The following MGAT5 variants were observed in gnomAD, a reference collection of about 807,000 sequenced individuals.
MGAT5 encodes alpha-1,6-mannosylglycoprotein 6-beta-N-acetylglucosaminyltransferase, also known as alpha-1,6-mannosylglycoprotein 6-beta-N-acetylglucosaminyltransferase A.
Under a neutral mutation model 94.3 loss-of-function variants are expected in MGAT5, and 30 were observed. That is an observed-to-expected ratio of 0.32 (90% CI 0.24 to 0.43). The LOEUF is 0.43. Among genes scored for constraint, MGAT5 ranks in the 20% least tolerant of loss-of-function variants. The pLI is 1.00. For synonymous variants in MGAT5, 310 were observed against 322.9 expected (o/e 0.96, Z 0.43); for missense variants, 691 against 905.5 (o/e 0.76, Z 3.04).
chr2:134,316,905 T>C (rs2105896193), intron 2 of MGAT5, among the ~76,000 whole-genome samples: 1 of 152,328 alleles, frequency 6.6e-6, no homozygotes, highest in Admixed American at 6.5e-5. Context: ...AGCTAGCTAA[T>C]ATAAAAGGAG....
intron 1 of MGAT5, among the ~76,000 whole-genome samples, chr2:134,165,455 A>G (rs1687926250): frequency 6.6e-6 from 1 of 152,162 alleles, no homozygotes; most frequent in Admixed American, 6.6e-5. Flanking sequence ...GGAAGATGGC[A>G]TGCTCATAGC....
chr2:134,369,260 C>T (rs572452235), intron 10 of MGAT5, among the ~76,000 whole-genome samples: 4 of 152,288 alleles, frequency 2.6e-5, no homozygotes, highest in East Asian at 3.9e-4. Flanking sequence ...TTGCTGACCC[C>T]AGGGAGACCA....
intron 1 of MGAT5, among the ~76,000 whole-genome samples, chr2:134,165,789 C>G (rs368929173): frequency 6.6e-6 from 1 of 151,640 alleles, no homozygotes; most frequent in Non-Finnish European, 1.5e-5. Context: ...AAAAAAAATT[C>G]TAGGGAGCCA....
chr2:134,140,735 A>G (rs1686618590), intron 1 of MGAT5, among the ~76,000 whole-genome samples: 1 of 152,228 alleles, frequency 6.6e-6, no homozygotes, highest in African/African-American at 2.4e-5. Flanking sequence ...TGATTTATCT[A>G]TTCATGAAAT....
intron 2 of MGAT5, among the ~76,000 whole-genome samples, chr2:134,273,492 T>A (rs1267509314): frequency 6.6e-6 from 1 of 152,200 alleles, no homozygotes; most frequent in Non-Finnish European, 1.5e-5. Context: ...CACTGATGTT[T>A]CTGATTGCTT....
chr2:134,175,053 G>A (rs1021339180), intron 1 of MGAT5, among the ~76,000 whole-genome samples: 1 of 152,214 alleles, frequency 6.6e-6, no homozygotes, highest in Non-Finnish European at 1.5e-5. Context: ...GCAGGGTGGG[G>A]CTGTGGGCCA....
chr2:134,339,818 GAA>G (rs1222681824), intron 6 of MGAT5, among the ~76,000 whole-genome samples: 1 of 152,136 alleles, frequency 6.6e-6, no homozygotes, highest in Non-Finnish European at 1.5e-5. Flanking sequence ...GAAGCGCACA[GAA>G]AAAGACTGTT....
rs34029606 is a variant in MGAT5, at chr2:134,247,359, TAA to T, written c.-142-6889_-142-6888del. Among the ~76,000 whole-genome samples, 702 of 91,492 alleles carry T rather than the reference TAA, an allele frequency of 7.7e-3. 10 individuals are homozygous for T. Among genetic ancestry groups the T allele is most frequent in the African/African-American group, 0.022 (575 of 26,258 alleles). 60.0% of individuals were successfully genotyped at this position (91,492 alleles called of 152,430 possible). A position where few individuals can be genotyped will look rare whatever the true frequency, so the allele number is the denominator to read the frequency against. On this transcript the variant is annotated intron_variant, in intron 1 of 16. Coordinates refer to the MGAT5 transcript ENST00000409645. The stretch of plus-strand genomic sequence containing the variant: ...TGTGAATAGATACCTGGGCCTGAAT[TAA>T]AAAAAAAAAAAAACAAAAAAAAAAC...
intron 2 of MGAT5, among the ~76,000 whole-genome samples, chr2:134,283,744 G>T (rs1422560092): frequency 1.5e-5 from 2 of 136,646 alleles, no homozygotes; most frequent in Non-Finnish European, 3.0e-5. Context: ...CCGTGAAGTT[G>T]TCATTGGTCT....
intron 1 of MGAT5, among the ~76,000 whole-genome samples, chr2:134,180,000 A>G (rs1366851213): frequency 6.6e-6 from 1 of 152,196 alleles, no homozygotes; most frequent in Non-Finnish European, 1.5e-5. Context: ...ATTGCATGCT[A>G]AAAGACTCCC....
intron 10 of MGAT5, among the ~76,000 whole-genome samples, chr2:134,385,680 G>T (rs1323883503): frequency 6.6e-6 from 1 of 152,246 alleles, no homozygotes; most frequent in Admixed American, 6.5e-5. Flanking sequence ...AGGTACACAC[G>T]TAAGGTTGGA....
intron 10 of MGAT5, among the ~76,000 whole-genome samples, chr2:134,362,801 G>A (rs1238768060): frequency 6.6e-6 from 1 of 152,230 alleles, no homozygotes; most frequent in Non-Finnish European, 1.5e-5. Context: ...AGTCTGTGGA[G>A]GTAGGCAGTT....
chr2:134,448,343 G>C (rs557598884), intron 15 of MGAT5, among the ~76,000 whole-genome samples: 1 of 152,124 alleles, frequency 6.6e-6, no homozygotes, highest in Non-Finnish European at 1.5e-5. Flanking sequence ...TGATTTATTT[G>C]GCCATTCCCT....
chr2:134,260,625 C>T (rs1183744609), intron 1 of MGAT5, among the ~76,000 whole-genome samples: 4 of 151,808 alleles, frequency 2.6e-5, no homozygotes, highest in African/African-American at 9.7e-5. Context: ...TTTGTTTTTC[C>T]ACTTTTTTTT....
rs367744090 is a variant in MGAT5 at position 134,237,123 on chromosome 2, A to ATGTGTATGTATGTGTGTGTGTGTGTG, written c.-142-17134_-142-17133insATGTATGTGTGTGTGTGTGTGTGTGT. On this transcript the variant is annotated intron_variant, in intron 1 of 16. Coordinates refer to the MGAT5 transcript ENST00000409645. Reference sequence around the variant, plus strand: ...TAGGTAGGTTATGTAGAAGGAGTATATGTGTGTGTGTGTGTGTGTGTGTGT... The same window carrying ATGTGTATGTATGTGTGTGTGTGTGTG: ...TAGGTAGGTTATGTAGAAGGAGTATATGTGTATGTATGTGTGTGTGTGTGTGTGTGTGTGTGTGTGTGTGTGTGTGT... Among the ~76,000 whole-genome samples, 156 of 140,710 alleles carry ATGTGTATGTATGTGTGTGTGTGTGTG rather than the reference A, an allele frequency of 1.1e-3. 2 individuals are homozygous for ATGTGTATGTATGTGTGTGTGTGTGTG. The East Asian group carries it at 0.018, about 16-fold the overall frequency. The allele number at this position is 140,710 out of a possible 152,430, so 92.3% of individuals were successfully genotyped here.
chr2:134,136,696 G>A (rs913303860), intron 1 of MGAT5, among the ~76,000 whole-genome samples: 26 of 152,174 alleles, frequency 1.7e-4, no homozygotes, highest in Admixed American at 1.2e-3. Flanking sequence ...TTTCTGAGAA[G>A]GAGTCCATAG....
In MGAT5 at chr2:134,141,265, T is replaced by G. The variant is rs569927255; in HGVS notation, c.-143+20974T>G. On this transcript the variant is annotated intron_variant, in intron 1 of 16. Transcript: ENST00000409645. ...GAACCATAAGCCAAATAAACTTCTA[T>G]TTTTATAAATAACCTAGTCTGTGGT... Among the ~76,000 whole-genome samples, 217 of 152,328 alleles carry G rather than the reference T, an allele frequency of 1.4e-3. 1 individual carries two copies. The highest frequency in any genetic ancestry group is 2.0e-3 in the Non-Finnish European group (135 of 68,034).
intron 1 of MGAT5, among the ~76,000 whole-genome samples, chr2:134,121,923 C>T (rs1040172598): frequency 2.0e-5 from 3 of 152,086 alleles, no homozygotes; most frequent in Non-Finnish European, 2.9e-5. Flanking sequence ...TTGTCTGTAC[C>T]GAGAAAATCA....
chr2:134,340,223 C>CT (rs1269785852), intron 6 of MGAT5, among the ~76,000 whole-genome samples: 2 of 152,168 alleles, frequency 1.3e-5, no homozygotes, highest in African/African-American at 4.8e-5. Flanking sequence ...AAGCCCCACA[C>CT]TTTAGTCTCT....
Sources: allele counts gnomAD v4.1 joint callset (sites outside exome capture counted in the v4.1 genomes callset), GRCh38; gene constraint gnomAD v4.1.1; transcripts MANE v1.5; gene names NCBI Gene and HGNC (gene_info 2026-07-23, HGNC 2026-07-21).